EFTUD2: variants seen among roughly 807,000 people sequenced by gnomAD.
The protein encoded by EFTUD2 is 116 kDa U5 small nuclear ribonucleoprotein component.
A neutral mutation model predicts 114.3 loss-of-function variants in EFTUD2; 9 were observed. That is an observed-to-expected ratio of 0.08 (90% CI 0.05 to 0.14). EFTUD2 has a LOEUF of 0.14. Ranked by LOEUF, EFTUD2 falls within the 10% of genes least tolerant of loss-of-function variation. The pLI, the probability that EFTUD2 is intolerant of heterozygous loss-of-function variation, is 1.00. For synonymous variants in EFTUD2, 449 were observed against 462.3 expected, an observed-to-expected ratio of 0.97 and a Z score of 0.37; for missense variants, 765 against 1,241.2, an observed-to-expected ratio of 0.62 and a Z score of 5.76.
In EFTUD2 at chr17:44,894,402, A is replaced by C. The variant is rs1380257832; in HGVS notation, c.105+15T>G. 2 of 1,555,876 alleles carry C rather than the reference A, an allele frequency of 1.3e-6. No homozygotes were observed. The highest frequency in any genetic ancestry group is 1.8e-6 in the Non-Finnish European group (2 of 1,127,078). On this transcript the variant is annotated intron_variant, in intron 2 of 27. Transcript: ENST00000426333. ...TAAATAAGAGTGAGATAAAAGAGCAATATATTTGTTTTACCTCATCAAGAT... is the reference window on the plus strand; with the variant it reads ...TAAATAAGAGTGAGATAAAAGAGCACTATATTTGTTTTACCTCATCAAGAT...
chr17:44,889,497 G>C (rs1406140489), intron 2 of EFTUD2, among the ~76,000 whole-genome samples: 6 of 152,226 alleles, frequency 3.9e-5, no homozygotes, highest in Non-Finnish European at 7.3e-5. Flanking sequence ...ACAGGAGAGA[G>C]AGGGCAGAAT....
At chr17:44,867,928 A>C (rs2120276) in intron 12 of EFTUD2, 31 bp from the exon 13 acceptor site, 2 of 1,540,056 alleles carry the variant, frequency 1.3e-6, no homozygotes, top group Non-Finnish European at 1.8e-6. Context: ...TGAGTGACCC[A>C]GGGGAAAAGG....
chr17:44,868,988 T>C (rs2050799102), intron 11 of EFTUD2, among the ~76,000 whole-genome samples: 1 of 152,208 alleles, frequency 6.6e-6, no homozygotes, highest in Non-Finnish European at 1.5e-5. Context: ...TGACATCCAA[T>C]TAGATAACTG....
At chr17:44,868,592 C>G (rs530145300) in intron 11 of EFTUD2, 85 of 495,512 alleles carry the variant, frequency 1.7e-4, no homozygotes, top group African/African-American at 1.5e-3. Flanking sequence ...CCATCTCCAC[C>G]AAGCACTAGG....
In EFTUD2 at chr17:44,852,690, A is replaced by C. The variant is rs953120699; in HGVS notation, c.2562-128T>G. 8 of 1,191,716 alleles carry C rather than the reference A, an allele frequency of 6.7e-6. No individual in the cohort carries two copies. The African/African-American group carries it at 7.6e-5, about 11-fold the overall frequency. The allele number at this position is 1,191,716 out of a possible 1,614,324, so 73.8% of individuals were successfully genotyped here. ...TACCATCAAAGAAAGAGTAACCAAG[A>C]ATGTTCTACAAAAAGCAGAAAAGGC... On this transcript the variant is annotated intron_variant, in intron 25 of 27. Transcript: ENST00000426333.
intron 5 of EFTUD2, among the ~76,000 whole-genome samples, 175 bp from the exon 6 acceptor site, chr17:44,883,333 A>C (rs1297825809): frequency 6.6e-6 from 1 of 152,240 alleles, no homozygotes; most frequent in African/African-American, 2.4e-5. Flanking sequence ...TTTCAAATAA[A>C]AGATGAAATC....
At chr17:44,885,957 C>T (rs1443067407) in intron 3 of EFTUD2, among the ~76,000 whole-genome samples, 1 of 151,884 alleles carries the variant, frequency 6.6e-6, no homozygotes, top group Non-Finnish European at 1.5e-5. Context: ...GACAATAAGG[C>T]TGGTTGCAGT....
intron 7 of EFTUD2, 114 bp downstream of exon 7, chr17:44,881,573 G>C (rs994375186): frequency 1.8e-6 from 2 of 1,094,896 alleles, no homozygotes; most frequent in African/African-American, 3.1e-5. Flanking sequence ...AGTGGAGAGA[G>C]AGGAGTAGGA....
chr17:44,868,266 C>T (rs1333015255), intron 12 of EFTUD2, 21 bp downstream of exon 12: 10 of 1,609,374 alleles, frequency 6.2e-6, no homozygotes, highest in Non-Finnish European at 8.5e-6. Context: ...TCTGGAAAGT[C>T]ACGTCCCATA....
rs1194765157 is a variant in EFTUD2, at chr17:44,854,093, C to A, written c.2347+176G>T. Reference sequence around the variant, plus strand: ...AATGACTTAAATTTCCATTTCCAGGCTACACCACCAGGATAAGGAAGGAAA... The same window carrying A: ...AATGACTTAAATTTCCATTTCCAGGATACACCACCAGGATAAGGAAGGAAA... On this transcript the variant is annotated intron_variant, in intron 23 of 27. Transcript: ENST00000426333. The surrounding 1 kb of genome is among the most constrained non-coding windows in gnomAD (Gnocchi z 4.3). 2 of 1,428,450 alleles carry A rather than the reference C, an allele frequency of 1.4e-6. No homozygotes were observed. Among genetic ancestry groups the A allele is most frequent in the Non-Finnish European group, 1.8e-6 (2 of 1,091,402 alleles). The allele number at this position is 1,428,450 out of a possible 1,614,324, so 88.5% of individuals were successfully genotyped here.
chr17:44,898,221 T>C (rs1257848775), intron 1 of EFTUD2, among the ~76,000 whole-genome samples: 3 of 152,172 alleles, frequency 2.0e-5, no homozygotes, highest in Non-Finnish European at 4.4e-5. Context: ...TTATTTATTT[T>C]ATATATATTT....
At chr17:44,888,413 A>T (rs2051215012) in intron 2 of EFTUD2, among the ~76,000 whole-genome samples, 1 of 152,228 alleles carries the variant, frequency 6.6e-6, no homozygotes, top group Non-Finnish European at 1.5e-5. Context: ...TGAGATGAAG[A>T]AACTCTGCAC....
intron 10 of EFTUD2, 155 bp downstream of exon 10, chr17:44,875,779 G>T: frequency 1.3e-6 from 1 of 792,542 alleles, no homozygotes; most frequent in Non-Finnish European, 2.1e-6. Flanking sequence ...AAAGTATGAA[G>T]TCAACCCCTG....
Position 44,851,241 on chromosome 17 carries a change from G to C in EFTUD2, c.*33C>G. On this transcript the variant is annotated 3_prime_UTR_variant, in exon 28 of 28. Transcript: ENST00000426333. Reference sequence around the variant, plus strand: ...TCAAGTACAGGAGTTGCAGCCCACTGTAGGGAGCAGGAGCTCCCAGGAGTC... The same window carrying C: ...TCAAGTACAGGAGTTGCAGCCCACTCTAGGGAGCAGGAGCTCCCAGGAGTC... The C allele has an allele frequency of 1.3e-6, 2 of 1,549,586 alleles. No individual in the cohort carries two copies. Among genetic ancestry groups the C allele is most frequent in the South Asian group, 2.2e-5 (2 of 89,738 alleles).
chr17:44,896,321 T>G (rs1270778174), intron 1 of EFTUD2, among the ~76,000 whole-genome samples: 1 of 152,246 alleles, frequency 6.6e-6, no homozygotes, highest in Non-Finnish European at 1.5e-5. Context: ...TAGAGCTTTT[T>G]GCACCTTTAT....
chr17:44,879,096 C>T (rs538188289), intron 9 of EFTUD2, among the ~76,000 whole-genome samples: 3 of 152,058 alleles, frequency 2.0e-5, no homozygotes, highest in South Asian at 2.1e-4. Flanking sequence ...TTTTTTTCTT[C>T]GTTTTTTGAG....
At chr17:44,874,148 C>T (rs2145509922) in intron 10 of EFTUD2, among the ~76,000 whole-genome samples, 1 of 150,730 alleles carries the variant, frequency 6.6e-6, no homozygotes, top group African/African-American at 2.4e-5. Flanking sequence ...CTCAAGTGAT[C>T]CTCTTGCCTC....
At chr17:44,896,111 G>A (rs949856388) in intron 1 of EFTUD2, 7 of 152,188 alleles carry the variant, frequency 4.6e-5, no homozygotes, top group East Asian at 1.9e-4. Context: ...TAGTGGTAAC[G>A]TTAACTTTGA....
In EFTUD2 at chr17:44,863,685, G is replaced by A. The variant is rs1399830120; in HGVS notation, c.1383C>T (p.Leu461=). 1.1e-5 allele frequency: 17 copies of A among 1,614,008 alleles called. No homozygotes were observed. The highest frequency in any genetic ancestry group is 3.3e-5 in the Admixed American group (2 of 59,990). ...HTYTGGVDSD[L]GEAMSDCDPD... is the part of the protein sequence containing the mutation. ...GGTCACAGTCACTCATAGCCTCGCC[G>A]AGGTCGGAGTCCACACCACCGGTGT... is the stretch of plus-strand genomic sequence containing the variant. Residue 461 remains leucine (L), a synonymous_variant, in exon 15 of 28, where the codon CTC becomes CTT. Transcript: ENST00000426333.
Sources: allele counts gnomAD v4.1 joint callset (sites outside exome capture counted in the v4.1 genomes callset), GRCh38; gene constraint gnomAD v4.1.1; non-coding constraint Gnocchi (gnomAD v3.1); transcripts MANE v1.5; gene names NCBI Gene and HGNC (gene_info 2026-07-23, HGNC 2026-07-21).